The following FOXP2 variants were observed in gnomAD, a reference collection of about 807,000 sequenced individuals.
FOXP2 encodes forkhead box P2, also known as forkhead box protein P2.
Under a neutral mutation model 115.8 loss-of-function variants are expected in FOXP2, and 12 were observed. The observed-to-expected ratio is 0.10, with a 90% CI of 0.07 to 0.17. The LOEUF (loss-of-function observed/expected upper bound fraction) is 0.17. FOXP2 is among the 10% of genes least tolerant of loss of function. The pLI is 1.00. For synonymous variants in FOXP2, 328 were observed against 297.7 expected, an observed-to-expected ratio of 1.10 and a Z score of -1.05; for missense variants, 629 against 843.5, an observed-to-expected ratio of 0.75 and a Z score of 3.15.
intron 2 of FOXP2, among the ~76,000 whole-genome samples, chr7:114,456,156 T>A (rs1795305088): frequency 1.3e-5 from 2 of 152,156 alleles, no homozygotes; most frequent in South Asian, 4.1e-4. Context: ...ACTGAAATTA[T>A]CTCTTCATCC....
At chr7:114,458,943 C>T (rs932176616) in intron 2 of FOXP2, among the ~76,000 whole-genome samples, 1 of 152,012 alleles carries the variant, frequency 6.6e-6, no homozygotes, top group Admixed American at 6.6e-5. Flanking sequence ...TAGTAATAGG[C>T]TGAGGTCACT....
At chr7:114,411,961 C>A (rs1793173949), upstream of FOXP2, among the ~76,000 whole-genome samples, 1 of 152,072 alleles carries the variant, frequency 6.6e-6, no homozygotes, top group African/African-American at 2.4e-5. Flanking sequence ...TTTAATACAG[C>A]AAAATGTTTG....
chr7:114,629,133 C>T (rs925718473), intron 4 of FOXP2, among the ~76,000 whole-genome samples: 2 of 151,980 alleles, frequency 1.3e-5, no homozygotes, highest in African/African-American at 4.8e-5. Context: ...GTATACTCAT[C>T]GTTTAGAAAG....
chr7:114,160,808 G>GTA (rs1792807286), upstream of FOXP2, among the ~76,000 whole-genome samples: 1 of 151,754 alleles, frequency 6.6e-6, no homozygotes, highest in African/African-American at 2.4e-5. Flanking sequence ...GTGTGTGTGT[G>GTA]TGAGTAGTTC....
At chr7:114,611,042 TAAG>T (rs1803599643) in intron 3 of FOXP2, among the ~76,000 whole-genome samples, 1 of 152,112 alleles carries the variant, frequency 6.6e-6, no homozygotes, top group Admixed American at 6.5e-5. Flanking sequence ...GTGTAAGACA[TAAG>T]AAATATTTCA....
chr7:114,301,872 T>TA (rs1382962837), intron 2 of FOXP2, among the ~76,000 whole-genome samples: 1 of 152,148 alleles, frequency 6.6e-6, no homozygotes, highest in Non-Finnish European at 1.5e-5. Context: ...GGCATTTGTA[T>TA]AAATTTTCTG....
At chr7:114,327,062 C>T (rs532615905) in intron 2 of FOXP2, among the ~76,000 whole-genome samples, 1 of 152,296 alleles carries the variant, frequency 6.6e-6, no homozygotes, top group South Asian at 2.1e-4. Context: ...CTCTAGGAAG[C>T]CTTCTGAATT....
At chr7:114,207,899 G>A (rs771861089) in intron 1 of FOXP2, among the ~76,000 whole-genome samples, 3 of 152,192 alleles carry the variant, frequency 2.0e-5, no homozygotes, top group Admixed American at 6.5e-5. Flanking sequence ...GGTGGCTCAC[G>A]CCTATAATCC....
At chr7:114,355,109 T>C (rs2129186524) in intron 2 of FOXP2, among the ~76,000 whole-genome samples, 1 of 152,298 alleles carries the variant, frequency 6.6e-6, no homozygotes, top group Non-Finnish European at 1.5e-5. Flanking sequence ...ACATATCTTT[T>C]GTCATGGTCA....
chr7:114,543,647 G>A (rs1799788739), intron 3 of FOXP2, among the ~76,000 whole-genome samples: 1 of 152,208 alleles, frequency 6.6e-6, no homozygotes, highest in Non-Finnish European at 1.5e-5. Context: ...ATTAGGTTAT[G>A]TGTGTGAGAA....
chr7:114,427,918 A>C (rs974226840), intron 2 of FOXP2, among the ~76,000 whole-genome samples: 1 of 151,674 alleles, frequency 6.6e-6, no homozygotes, highest in African/African-American at 2.4e-5. Flanking sequence ...TTCACAGACA[A>C]TAAGTATTAG....
upstream of FOXP2, among the ~76,000 whole-genome samples, chr7:114,160,766 A>T (rs935008930): frequency 1.4e-5 from 2 of 139,078 alleles, no homozygotes; most frequent in African/African-American, 2.7e-5. Flanking sequence ...TTTCTCTATC[A>T]TGAAAAGTAT....
chr7:114,096,692 A>T (rs1033303184), intron 1 of FOXP2, among the ~76,000 whole-genome samples: 1 of 152,198 alleles, frequency 6.6e-6, no homozygotes, highest in African/African-American at 2.4e-5. Context: ...TTAAAGGAAC[A>T]TCATTATTAT....
intron 2 of FOXP2, among the ~76,000 whole-genome samples, chr7:114,517,375 T>C (rs939379668): frequency 7.2e-5 from 11 of 152,326 alleles, no homozygotes; most frequent in African/African-American, 2.2e-4. Context: ...TTTCTACTTA[T>C]ATTGCCTGTG....
At chr7:114,539,525 TG>T (rs1459601462) in intron 3 of FOXP2, among the ~76,000 whole-genome samples, 10 of 152,026 alleles carry the variant, frequency 6.6e-5, no homozygotes, top group Admixed American at 2.0e-4. Context: ...TATTGAAAGA[TG>T]AACAGGAGGT....
At chr7:114,314,971 A>G (rs917714250) in intron 2 of FOXP2, among the ~76,000 whole-genome samples, 1 of 152,232 alleles carries the variant, frequency 6.6e-6, no homozygotes, top group African/African-American at 2.4e-5. Flanking sequence ...TCTGAAAGAA[A>G]AAAAAGTGGT....
intron 1 of FOXP2, among the ~76,000 whole-genome samples, chr7:114,259,491 T>C (rs543187976): frequency 1.3e-5 from 2 of 152,330 alleles, no homozygotes; most frequent in African/African-American, 4.8e-5. Context: ...AGAAAGATGT[T>C]TGAGTCTCAG....
intron 2 of FOXP2, among the ~76,000 whole-genome samples, chr7:114,430,537 C>A (rs1794058583): frequency 6.6e-6 from 1 of 151,712 alleles, no homozygotes; most frequent in Admixed American, 6.6e-5. Context: ...GGCAAGTTTA[C>A]AACGATATAG....
At chr7:114,609,528 A>C (rs1327120009) in intron 3 of FOXP2, among the ~76,000 whole-genome samples, 1 of 152,194 alleles carries the variant, frequency 6.6e-6, no homozygotes, top group Non-Finnish European at 1.5e-5. Context: ...TTTCGAGCAT[A>C]GCTTGAACAG....
Sources: allele counts gnomAD v4.1 joint callset (sites outside exome capture counted in the v4.1 genomes callset), GRCh38; gene constraint gnomAD v4.1.1; transcripts MANE v1.5; gene names NCBI Gene and HGNC (gene_info 2026-07-23, HGNC 2026-07-21).